KIF1B: variants seen among roughly 807,000 people sequenced by gnomAD.
KIF1B encodes kinesin-like protein KIF1B.
A neutral mutation model predicts 241.9 loss-of-function variants in KIF1B; 76 were observed. That is an observed-to-expected ratio of 0.31 (90% CI 0.26 to 0.38). KIF1B has a LOEUF of 0.38. Among genes scored for constraint, KIF1B ranks in the 10% least tolerant of loss-of-function variants. KIF1B has a pLI of 1.00. For missense variants in KIF1B, 1,622 were observed against 2,271.4 expected, an observed-to-expected ratio of 0.71 and a Z score of 5.81; for synonymous variants, 750 against 796.7, an observed-to-expected ratio of 0.94 and a Z score of 0.99.
intron 38 of KIF1B, among the ~76,000 whole-genome samples, chr1:10,360,008 G>A (rs993135129): frequency 6.6e-5 from 10 of 151,844 alleles, no homozygotes; most frequent in Non-Finnish European, 1.3e-4. Context: ...ACTCCAGCCT[G>A]GGTGACAGAG....
intron 28 of KIF1B, among the ~76,000 whole-genome samples, 158 bp downstream of exon 28, chr1:10,334,796 C>T (rs1325213331): frequency 1.3e-5 from 2 of 152,198 alleles, no homozygotes; most frequent in Non-Finnish European, 2.9e-5. Context: ...CTTTATTGCT[C>T]CTTTCTAGCA....
intron 11 of KIF1B, 124 bp downstream of exon 11, chr1:10,275,627 C>G (rs1649058731): frequency 1.3e-6 from 1 of 744,358 alleles, no homozygotes; most frequent in Admixed American, 1.9e-5. Flanking sequence ...CTTGAGTGTT[C>G]CTTGCCTGCT....
In KIF1B at chr1:10,324,899, T is replaced by C; in HGVS notation, c.2675+4T>C. On this transcript the variant is annotated splice_donor_region_variant and intron_variant, in intron 26 of 48. Transcript: ENST00000676179. The stretch of plus-strand genomic sequence containing the variant: ...ACTGGTTCAAACTTGTGGGGAGGTA[T>C]GTGATGATTTTGTTGATGTCTTCTT... 1 of 1,614,044 alleles carries C rather than the reference T, an allele frequency of 6.2e-7. No individual in the cohort carries two copies. The highest frequency in any genetic ancestry group is 8.5e-7 in the Non-Finnish European group (1 of 1,180,010).
At chr1:10,320,185 T>A in intron 23 of KIF1B, 49 bp downstream of exon 23, 1 of 1,261,632 alleles carries the variant, frequency 7.9e-7, no homozygotes, top group Non-Finnish European at 1.2e-6. Context: ...TTTGAAGTTA[T>A]ATTATCAAAT....
intron 35 of KIF1B, among the ~76,000 whole-genome samples, chr1:10,346,677 A>G (rs1285055484): frequency 1.3e-5 from 2 of 152,174 alleles, no homozygotes; most frequent in African/African-American, 4.8e-5. Flanking sequence ...ACCTTGTTGT[A>G]AGGGTTTTAT....
intron 22 of KIF1B, chr1:10,306,719 T>C (rs1469265777): frequency 2.3e-6 from 2 of 871,122 alleles, no homozygotes; most frequent in African/African-American, 2.2e-5. Flanking sequence ...GAATAGCCAG[T>C]GCACTGCAGC....
chr1:10,249,255 A>G lies in KIF1B; in HGVS notation c.107-6992A>G, dbSNP rs78516412. 4.4e-3 allele frequency among the ~76,000 whole-genome samples: 677 copies of G among 152,142 alleles called. 2 individuals are homozygous for G. Among genetic ancestry groups the G allele is most frequent in the African/African-American group, 0.015 (618 of 41,494 alleles). On this transcript the variant is annotated intron_variant, in intron 2 of 48. Transcript: ENST00000676179. ...AAACAAATTAGAAGTCCAACACACT[A>G]TTTTAGCTCAGTTGACCTTGATACA...
chr1:10,291,205 G>T (rs1241291352), intron 16 of KIF1B, 44 bp downstream of exon 16: 3 of 1,231,638 alleles, frequency 2.4e-6, no homozygotes, highest in Non-Finnish European at 3.6e-6. Context: ...TTTTCTAGGG[G>T]ATGTGGATTA....
Position 10,303,415 on chromosome 1 carries a change from T to G in KIF1B, c.2115+6169T>G. 4 of 1,614,212 alleles carry G rather than the reference T, an allele frequency of 2.5e-6. No individual in the cohort carries two copies. The highest frequency in any genetic ancestry group is 1.3e-5 in the African/African-American group (1 of 75,042). ...TAAAATTCAGGCTGTCAAAGAGATT[T>G]GCTATGAGGTTGCTCTCAATGACTT... On this transcript the variant is annotated intron_variant, in intron 22 of 48. Coordinates refer to ENST00000676179, the MANE Select transcript of KIF1B (RefSeq NM_001365951.3). The surrounding 1 kb of genome is among the most constrained non-coding windows in gnomAD (Gnocchi z 5.2).
At chr1:10,357,996 T>C (rs12403465) in intron 38 of KIF1B, among the ~76,000 whole-genome samples, 54,041 of 151,204 alleles carry the variant, frequency 0.36, 9,787 homozygotes, top group Admixed American at 0.39. Context: ...GTGACAAGAG[T>C]GAGACTCTGT....
At chr1:10,329,548 C>T (rs1242625181) in intron 27 of KIF1B, among the ~76,000 whole-genome samples, 1 of 152,194 alleles carries the variant, frequency 6.6e-6, no homozygotes, top group East Asian at 1.9e-4. Context: ...GCCTGGCCAA[C>T]ATGGTGAAAC....
intron 1 of KIF1B, among the ~76,000 whole-genome samples, chr1:10,211,176 G>T (rs985752542): frequency 5.3e-5 from 8 of 152,202 alleles, no homozygotes; most frequent in African/African-American, 1.9e-4. Context: ...CAGACCCGCC[G>T]CTGCCTGGCC....
chr1:10,370,089 G>A (rs2148152), intron 44 of KIF1B, among the ~76,000 whole-genome samples: 54,265 of 150,472 alleles, frequency 0.36, 9,835 homozygotes, highest in Middle Eastern at 0.4. Context: ...CCCTGTCTCT[G>A]CTAAAAATAC....
chr1:10,305,923 C>G (rs1650806560), intron 22 of KIF1B: 3 of 1,054,326 alleles, frequency 2.8e-6, no homozygotes, highest in Non-Finnish European at 3.4e-6. Context: ...TTGGAAGATT[C>G]CTAAGTCACA....
At chr1:10,361,144 T>G (rs1459423452) in intron 39 of KIF1B, 101 bp downstream of exon 39, 4 of 792,082 alleles carry the variant, frequency 5.0e-6, no homozygotes, top group Non-Finnish European at 9.1e-6. Context: ...TGTTTTGTCC[T>G]CTTTCTTCCT....
rs1060501913 is a variant in KIF1B at position 10,291,154 on chromosome 1, A to G, written c.1507A>G (p.Met503Val). Residue 503 changes from methionine to valine, a missense_variant, in exon 16 of 49, where the codon ATG becomes GTG. Met to Val is a conservative substitution (Grantham distance 21). Around this residue, in one of 7 missense-constraint regions of KIF1B, gnomAD observed 57 missense variants for 149.0 expected, o/e 0.38. Transcript: ENST00000676179. ...GCTTCGTAAAACAGAGGCCATCAGAATGGAGAGGTCAGGAGGTTAAAATCT... is the reference window on the plus strand; with the variant it reads ...GCTTCGTAAAACAGAGGCCATCAGAGTGGAGAGGTCAGGAGGTTAAAATCT... ...EKLRKTEAIR[M>V]EREALLAEMG... The G allele has an allele frequency of 6.2e-7, 1 of 1,608,980 alleles. No individual in the cohort carries two copies. Among genetic ancestry groups the G allele is most frequent in the Non-Finnish European group, 8.5e-7 (1 of 1,175,568 alleles).
chr1:10,272,051 G>A (rs948615547), intron 8 of KIF1B, among the ~76,000 whole-genome samples, 190 bp from the exon 9 acceptor site: 15 of 152,226 alleles, frequency 9.9e-5, no homozygotes, highest in African/African-American at 3.4e-4. Flanking sequence ...CTTCAGGACT[G>A]TGAGTTAGGC....
At chr1:10,222,473 C>G (rs546528067) in intron 1 of KIF1B, among the ~76,000 whole-genome samples, 1 of 152,252 alleles carries the variant, frequency 6.6e-6, no homozygotes, top group South Asian at 2.1e-4. Flanking sequence ...ATGAACTGAT[C>G]ATTTTTTTAG....
At chr1:10,328,370 G>A (rs778354062) in intron 27 of KIF1B, among the ~76,000 whole-genome samples, 1 of 152,186 alleles carries the variant, frequency 6.6e-6, no homozygotes, top group Non-Finnish European at 1.5e-5. Context: ...CAGTCTCTGG[G>A]TTTTCCAGTG....
Sources: gnomAD v4.1 joint callset for allele counts (sites outside exome capture counted in the v4.1 genomes callset) on GRCh38, gnomAD v4.1.1 for gene constraint, gnomAD v4.1.1 regional missense constraint, Gnocchi (gnomAD v3.1) non-coding constraint, MANE v1.5 for transcripts, NCBI Gene and HGNC (gene_info 2026-07-23, HGNC 2026-07-21) for gene names.